The following PLCB1 variants were observed in gnomAD, a reference collection of about 807,000 sequenced individuals.
The protein encoded by PLCB1 is phospholipase C beta 1.
In PLCB1, 46 loss-of-function variants were observed where a neutral mutation model predicts 161.8. The observed-to-expected ratio is 0.28, with a 90% CI of 0.22 to 0.36. The LOEUF (loss-of-function observed/expected upper bound fraction) is 0.36. Ranked by LOEUF, PLCB1 falls within the 10% of genes least tolerant of loss-of-function variation. The pLI is 1.00. For missense variants in PLCB1, 1,016 were observed against 1,472.5 expected (o/e 0.69, Z 5.07); for synonymous variants, 517 against 503.7 (o/e 1.03, Z -0.35).
chr20:8,684,898 G>A, intron 9 of PLCB1, 34 bp from the exon 10 acceptor site: 2 of 1,549,012 alleles, frequency 1.3e-6, no homozygotes, highest in Non-Finnish European at 1.8e-6. Flanking sequence ...ATAAAAGAAT[G>A]CATTCACATC....
At chr20:8,246,882 TAG>T (rs1980904577) in intron 2 of PLCB1, among the ~76,000 whole-genome samples, 1 of 151,932 alleles carries the variant, frequency 6.6e-6, no homozygotes, top group Non-Finnish European at 1.5e-5. Context: ...TTCCACTCTT[TAG>T]AGCTACCCTC....
At chr20:8,826,692 C>G (rs767852907) in intron 31 of PLCB1, among the ~76,000 whole-genome samples, 15 of 152,284 alleles carry the variant, frequency 9.9e-5, no homozygotes, top group Non-Finnish European at 2.1e-4. Flanking sequence ...TCATCTCTCA[C>G]TCTAGAATTT....
At chr20:8,164,404 A>G (rs1360631205) in intron 2 of PLCB1, among the ~76,000 whole-genome samples, 1 of 152,220 alleles carries the variant, frequency 6.6e-6, no homozygotes, top group Non-Finnish European at 1.5e-5. Flanking sequence ...AGTAGCCTCT[A>G]GACTCATGTC....
intron 31 of PLCB1, among the ~76,000 whole-genome samples, chr20:8,869,458 A>G (rs955260179): frequency 1.3e-5 from 2 of 152,208 alleles, no homozygotes; most frequent in African/African-American, 4.8e-5. Flanking sequence ...CCTGCTGAGT[A>G]GCATAATTAT....
intron 31 of PLCB1, among the ~76,000 whole-genome samples, chr20:8,875,969 G>A (rs1987767022): frequency 6.6e-6 from 1 of 152,042 alleles, no homozygotes; most frequent in South Asian, 2.1e-4. Flanking sequence ...AAAGACAGAA[G>A]AAAAGAATGT....
intron 20 of PLCB1, 145 bp from the exon 21 acceptor site, chr20:8,739,116 A>C: frequency 9.4e-6 from 6 of 640,622 alleles, no homozygotes. Flanking sequence ...ACGCCACTGC[A>C]CTTCAGCCTG....
intron 3 of PLCB1, among the ~76,000 whole-genome samples, chr20:8,434,509 G>C (rs1016112490): frequency 6.6e-6 from 1 of 152,166 alleles, no homozygotes; most frequent in Non-Finnish European, 1.5e-5. Context: ...TGTCCAATTA[G>C]TATTTATTCT....
chr20:8,228,465 C>G (rs1029580077), intron 2 of PLCB1, among the ~76,000 whole-genome samples: 1 of 152,056 alleles, frequency 6.6e-6, no homozygotes, highest in Non-Finnish European at 1.5e-5. Flanking sequence ...TGCATCCCCA[C>G]CCCCGCATTT....
At chr20:8,347,058 A>G (rs1986022084) in intron 2 of PLCB1, among the ~76,000 whole-genome samples, 2 of 152,236 alleles carry the variant, frequency 1.3e-5, no homozygotes, top group South Asian at 4.1e-4. Context: ...ATGGAAATAA[A>G]TAGCCCATAT....
intron 11 of PLCB1, among the ~76,000 whole-genome samples, chr20:8,704,482 A>G (rs574025882): frequency 5.3e-5 from 8 of 152,376 alleles, no homozygotes; most frequent in African/African-American, 1.7e-4. Flanking sequence ...TAATCTGGCT[A>G]TTAAGTATGA....
chr20:8,378,307 G>A (rs1042254458), intron 3 of PLCB1, among the ~76,000 whole-genome samples: 1 of 152,236 alleles, frequency 6.6e-6, no homozygotes, highest in Non-Finnish European at 1.5e-5. Context: ...CAGGCATACC[G>A]CAGCAGCATT....
intron 1 of PLCB1, among the ~76,000 whole-genome samples, chr20:8,138,001 G>A (rs112799859): frequency 0.015 from 2,287 of 152,296 alleles, 24 homozygotes; most frequent in Non-Finnish European, 0.026. Flanking sequence ...AAGTATAGCA[G>A]GTATAGTAAA....
chr20:8,372,445 G>T (rs929466824), intron 3 of PLCB1, among the ~76,000 whole-genome samples: 3 of 152,018 alleles, frequency 2.0e-5, no homozygotes, highest in Admixed American at 1.3e-4. Flanking sequence ...ACGGCTGCTG[G>T]GTTTTTTAAT....
At chr20:8,613,568 G>C (rs917246311) in intron 3 of PLCB1, among the ~76,000 whole-genome samples, 16 of 152,164 alleles carry the variant, frequency 1.1e-4, no homozygotes, top group East Asian at 1.9e-4. Context: ...TCTTATAAAA[G>C]GTTTAGCATT....
At chr20:8,209,592 A>G (rs1372869437) in intron 2 of PLCB1, among the ~76,000 whole-genome samples, 1 of 152,096 alleles carries the variant, frequency 6.6e-6, no homozygotes, top group African/African-American at 2.4e-5. Context: ...AAAATATTAG[A>G]TGATTTTCAA....
In PLCB1 at chr20:8,708,689, C is replaced by T. The variant is rs1362519682; in HGVS notation, c.1187C>T (p.Ala396Val). Residue 396 changes from alanine to valine, a missense_variant, in exon 12 of 32, where the codon GCG becomes GTG. This residue lies in a region of PLCB1 where 56 missense variants were observed against 126.3 expected (regional missense o/e 0.44). Transcript: ENST00000338037. ...ISFKEVIEAI[A>V]ECAFKTSPFP... ...TTTTAGGAAGTGATAGAAGCAATTG[C>T]GGAGTGTGCATTTAAGACTTCACCT... The T allele has an allele frequency of 4.3e-6, 7 of 1,611,796 alleles. No individual in the cohort carries two copies. Among genetic ancestry groups the T allele is most frequent in the African/African-American group, 2.7e-5 (2 of 74,844 alleles).
At chr20:8,693,446 A>C (rs1990523518) in intron 10 of PLCB1, among the ~76,000 whole-genome samples, 1 of 152,198 alleles carries the variant, frequency 6.6e-6, no homozygotes, top group African/African-American at 2.4e-5. Context: ...GGGTCAAGAC[A>C]AATAATACAT....
intron 9 of PLCB1, among the ~76,000 whole-genome samples, chr20:8,674,634 A>AC (rs1236907920): frequency 1.3e-5 from 2 of 152,142 alleles, no homozygotes; most frequent in African/African-American, 4.8e-5. Flanking sequence ...GCTTGGGAAT[A>AC]CCAGCAGCAA....
chr20:8,132,430 C>G lies in PLCB1; in HGVS notation c.-222C>G, dbSNP rs1600186673. 1.2e-4 allele frequency: 37 copies of G among 305,606 alleles called. No homozygotes were observed. The East Asian group carries it at 1.9e-3, about 15-fold the overall frequency. 18.9% of individuals were successfully genotyped at this position (305,606 alleles called of 1,614,324 possible). The stretch of plus-strand genomic sequence containing the variant: ...CCACCGCGGGCTCCAGACCTCGCGT[C>G]CCGCCCGGGGCATGGCCGGGCGCTG... On this transcript the variant is annotated 5_prime_UTR_variant, in exon 1 of 32. Transcript: ENST00000338037. This position sits in a 1 kb window ranked among gnomAD's most constrained non-coding sequence, Gnocchi z 5.2.
Sources: gnomAD v4.1 joint callset for allele counts (sites outside exome capture counted in the v4.1 genomes callset) on GRCh38, gnomAD v4.1.1 for gene constraint, gnomAD v4.1.1 regional missense constraint, Gnocchi (gnomAD v3.1) non-coding constraint, MANE v1.5 for transcripts, NCBI Gene and HGNC (gene_info 2026-07-23, HGNC 2026-07-21) for gene names.